TMEM154: variants seen among roughly 807,000 people sequenced by gnomAD.
TMEM154 encodes the protein transmembrane protein 154.
A neutral mutation model predicts 24.5 loss-of-function variants in TMEM154; 27 were observed. The ratio of observed to expected loss-of-function variants is 1.10; its 90% confidence interval spans 0.81 to 1.52. TMEM154 has a LOEUF of 1.52. Ranked by LOEUF, TMEM154 falls within the 40% of genes most tolerant of loss-of-function variation. TMEM154 has a pLI of 0.00. For synonymous variants in TMEM154, 67 were observed against 76.8 expected (o/e 0.87, Z 0.67); for missense variants, 228 against 213.4 (o/e 1.07, Z -0.43).
Position 152,655,425 on chromosome 4 carries a change from T to G in TMEM154, c.65-2498A>C, listed in dbSNP as rs1022107971. 3.5e-4 allele frequency among the ~76,000 whole-genome samples: 53 copies of G among 152,200 alleles called. 1 individual carries two copies. The highest frequency in any genetic ancestry group is 2.9e-3 in the Admixed American group (45 of 15,282). On this transcript the variant is annotated intron_variant, in intron 1 of 6. Transcript: ENST00000304385. Reference sequence around the variant, plus strand: ...AATGGCATTGCTCCAGAGAGGGACCTTATGCGGAGTCCCACACACCCCTGA... The same window carrying G: ...AATGGCATTGCTCCAGAGAGGGACCGTATGCGGAGTCCCACACACCCCTGA...
chr4:152,679,635 C>A (rs1484300530), intron 1 of TMEM154, among the ~76,000 whole-genome samples: 1 of 152,082 alleles, frequency 6.6e-6, no homozygotes, highest in East Asian at 1.9e-4. Flanking sequence ...AAGACAAAGA[C>A]TGAAAGAGGG....
intron 6 of TMEM154, among the ~76,000 whole-genome samples, chr4:152,635,801 A>T (rs1752137236): frequency 6.6e-6 from 1 of 152,242 alleles, no homozygotes; most frequent in Admixed American, 6.5e-5. Flanking sequence ...TAAATGTCTT[A>T]CTATTGCTGT....
At chr4:152,661,850 T>C (rs1442321418) in intron 1 of TMEM154, among the ~76,000 whole-genome samples, 1 of 152,188 alleles carries the variant, frequency 6.6e-6, no homozygotes, top group Non-Finnish European at 1.5e-5. Flanking sequence ...GTTACTCAGT[T>C]TCCTTGCCCA....
At chr4:152,662,558 G>A (rs1361891690) in intron 1 of TMEM154, among the ~76,000 whole-genome samples, 2 of 152,074 alleles carry the variant, frequency 1.3e-5, no homozygotes, top group Non-Finnish European at 2.9e-5. Context: ...AACCAGAGGA[G>A]GTGCCAAAGG....
At chr4:152,667,806 A>G (rs1019223350) in intron 1 of TMEM154, among the ~76,000 whole-genome samples, 13 of 152,246 alleles carry the variant, frequency 8.5e-5, no homozygotes, top group African/African-American at 4.8e-5. Context: ...GAAAGAACAT[A>G]AAGAAAGGAT....
chr4:152,645,026 G>T (rs546532301), intron 3 of TMEM154, among the ~76,000 whole-genome samples: 2 of 152,240 alleles, frequency 1.3e-5, no homozygotes, highest in South Asian at 4.1e-4. Flanking sequence ...TCTATTTAAA[G>T]AAGGGCCCAT....
intron 6 of TMEM154, among the ~76,000 whole-genome samples, chr4:152,633,902 A>G (rs1336799982): frequency 6.6e-6 from 1 of 151,844 alleles, no homozygotes; most frequent in East Asian, 1.9e-4. Context: ...CTTTTGCACC[A>G]ACCTTATACC....
chr4:152,628,477 C>T lies in TMEM154; in HGVS notation c.*69G>A, dbSNP rs369615908. On this transcript the variant is annotated 3_prime_UTR_variant, in exon 7 of 7. Coordinates refer to ENST00000304385, the MANE Select transcript of TMEM154 (RefSeq NM_152680.3). Reference sequence around the variant, plus strand: ...TAATTAAATTTGTATCCTCTTCATCCTCTGTTGGCAGCCTCAGCAGACTCC... The same window carrying T: ...TAATTAAATTTGTATCCTCTTCATCTTCTGTTGGCAGCCTCAGCAGACTCC... 77 of 1,534,204 alleles carry T rather than the reference C, an allele frequency of 5.0e-5. 3 individuals carry two copies. The African/African-American group carries it at 9.1e-4, about 18-fold the overall frequency.
chr4:152,639,979 G>A (rs1246131877), intron 6 of TMEM154, among the ~76,000 whole-genome samples: 1 of 152,114 alleles, frequency 6.6e-6, no homozygotes, highest in Non-Finnish European at 1.5e-5. Context: ...GGTTTAGGGG[G>A]GAGACGCAGG....
chr4:152,635,340 A>G (rs1469044513), intron 6 of TMEM154, among the ~76,000 whole-genome samples: 1 of 152,256 alleles, frequency 6.6e-6, no homozygotes, highest in Non-Finnish European at 1.5e-5. Flanking sequence ...ATAATAAAAG[A>G]GAATGAAAAT....
At chr4:152,662,849 G>GGAGGT (rs1168983612) in intron 1 of TMEM154, among the ~76,000 whole-genome samples, 2 of 152,162 alleles carry the variant, frequency 1.3e-5, no homozygotes, top group African/African-American at 4.8e-5. Flanking sequence ...AAATAAGTCT[G>GGAGGT]GAGGTGAACC....
chr4:152,667,553 T>C (rs1049167625), intron 1 of TMEM154, among the ~76,000 whole-genome samples: 4 of 152,232 alleles, frequency 2.6e-5, no homozygotes, highest in Non-Finnish European at 4.4e-5. Flanking sequence ...GCTCAGTTGT[T>C]CTACATATTT....
At position 152,627,241 on chromosome 4, in the gene TMEM154, C is replaced by T. The variant is rs527848107; in HGVS notation, c.*1305G>A. ...AGGGCAGACTTTCAAGCACAAGACA[C>T]AAAATTGAGCAGCAAATGTTTGGGT... On this transcript the variant is annotated 3_prime_UTR_variant, in exon 7 of 7. Coordinates refer to ENST00000304385, the MANE Select transcript of TMEM154 (RefSeq NM_152680.3). The T allele has an allele frequency of 2.6e-5, 4 of 152,176 alleles. No individual in the cohort carries two copies. Among genetic ancestry groups the T allele is most frequent in the Admixed American group, 2.6e-4 (4 of 15,278 alleles). 9.4% of individuals were successfully genotyped at this position (152,176 alleles called of 1,614,324 possible).
chr4:152,629,918 G>T (rs1397247979), intron 6 of TMEM154, among the ~76,000 whole-genome samples: 2 of 152,170 alleles, frequency 1.3e-5, no homozygotes, highest in African/African-American at 4.8e-5. Context: ...TGTGGTGTTT[G>T]TTCATGTTGT....
chr4:152,628,591 AAC>A (rs755944398), intron 6 of TMEM154, 30 bp from the exon 7 acceptor site: 54,692 of 632,434 alleles, frequency 0.086, 20,675 homozygotes, highest in Admixed American at 0.14. Context: ...AAAAAAAAAA[AAC>A]AAAAAAAACA....
rs937340444 is a variant in TMEM154, at chr4:152,622,473, C to T, written c.*6073G>A. On this transcript the variant is annotated 3_prime_UTR_variant, in exon 7 of 7. Coordinates refer to ENST00000304385, the MANE Select transcript of TMEM154 (RefSeq NM_152680.3). ...ACATTTTAGTAAACAAATATCTTAT[C>T]CTCAAATACACTTTTATTCTAAATA... 6.6e-6 allele frequency: 1 copy of T among 152,074 alleles called. No individual in the cohort carries two copies. The highest frequency in any genetic ancestry group is 2.1e-4 in the South Asian group (1 of 4,826). The allele number at this position is 152,074 out of a possible 1,614,324, so 9.4% of individuals were successfully genotyped here. A position where few individuals can be genotyped will look rare whatever the true frequency, so the allele number is the denominator to read the frequency against.
chr4:152,670,273 G>A (rs943133562), intron 1 of TMEM154, among the ~76,000 whole-genome samples: 1 of 152,192 alleles, frequency 6.6e-6, no homozygotes, highest in Non-Finnish European at 1.5e-5. Flanking sequence ...AAGGGACAGA[G>A]GTGAACTGTT....
intron 1 of TMEM154, among the ~76,000 whole-genome samples, chr4:152,654,066 A>T (rs1728443699): frequency 6.6e-6 from 1 of 152,116 alleles, no homozygotes; most frequent in Non-Finnish European, 1.5e-5. Context: ...GAAAAAAGAA[A>T]AGGAAAATAA....
intron 4 of TMEM154, 34 bp downstream of exon 4, chr4:152,644,381 C>A (rs1420293509): frequency 1.2e-6 from 2 of 1,612,772 alleles, no homozygotes; most frequent in South Asian, 2.2e-5. Flanking sequence ...CTGTTCACAC[C>A]CCAGGTGGAT....
Sources: gnomAD v4.1 joint callset for allele counts (sites outside exome capture counted in the v4.1 genomes callset) on GRCh38, gnomAD v4.1.1 for gene constraint, MANE v1.5 for transcripts, NCBI Gene and HGNC (gene_info 2026-07-23, HGNC 2026-07-21) for gene names.